DENND4A: variants seen among roughly 807,000 people sequenced by gnomAD.
DENND4A encodes C-myc promoter-binding protein.
A neutral mutation model predicts 199.3 loss-of-function variants in DENND4A; 70 were observed. That is an observed-to-expected ratio of 0.35 (90% CI 0.29 to 0.43). DENND4A has a LOEUF of 0.43. Ranked by LOEUF, DENND4A falls within the 20% of genes least tolerant of loss-of-function variation. The probability of loss-of-function intolerance (pLI) is 1.00; values close to 1 mark genes in which losing one functional copy is unlikely to be tolerated. For missense variants in DENND4A, 1,723 were observed against 2,255.8 expected (o/e 0.76, Z 4.78); for synonymous variants, 686 against 766.9 (o/e 0.89, Z 1.74).
rs146295829 is a variant in DENND4A at position 65,701,909 on chromosome 15, A to G, written c.2431-19T>C. ...AGCATACCTGAAATACAAGTTCAAAATTGTACCGAAACACAGATGTCACCA... is the reference window on the plus strand; with the variant it reads ...AGCATACCTGAAATACAAGTTCAAAGTTGTACCGAAACACAGATGTCACCA... On this transcript the variant is annotated intron_variant, in intron 17 of 32. Transcript: ENST00000443035. 3.4e-5 allele frequency: 55 copies of G among 1,613,132 alleles called. No individual in the cohort carries two copies. The African/African-American group carries it at 6.8e-4, about 20-fold the overall frequency.
At chr15:65,706,258 C>A in intron 14 of DENND4A, 34 bp from the exon 15 acceptor site, 5 of 1,447,994 alleles carry the variant, frequency 3.5e-6, no homozygotes, top group Non-Finnish European at 4.6e-6. Flanking sequence ...ATTAAAAAAG[C>A]CACATTGGTT....
chr15:65,703,800 G>A (rs574819927), intron 15 of DENND4A, among the ~76,000 whole-genome samples: 1 of 152,202 alleles, frequency 6.6e-6, no homozygotes, highest in African/African-American at 2.4e-5. Flanking sequence ...CCAGTGAACA[G>A]CCACTGCACT....
intron 1 of DENND4A, among the ~76,000 whole-genome samples, chr15:65,781,909 T>C (rs1162118898): frequency 2.0e-5 from 3 of 152,200 alleles, no homozygotes; most frequent in Admixed American, 2.0e-4. Context: ...GGGGATGGCA[T>C]AGTGGAAGTA....
intron 4 of DENND4A, among the ~76,000 whole-genome samples, chr15:65,750,172 G>T (rs1036870684): frequency 2.0e-5 from 3 of 152,176 alleles, no homozygotes; most frequent in African/African-American, 7.2e-5. Context: ...ATGAAATCAT[G>T]TCTTGTGCAG....
intron 3 of DENND4A, among the ~76,000 whole-genome samples, chr15:65,754,113 C>A (rs927184053): frequency 5.3e-5 from 8 of 151,862 alleles, no homozygotes; most frequent in Non-Finnish European, 1.2e-4. Context: ...GGATTACAGG[C>A]ATGAGCCACT....
At chr15:65,763,536 T>C (rs1383327618) in intron 1 of DENND4A, among the ~76,000 whole-genome samples, 1 of 151,654 alleles carries the variant, frequency 6.6e-6, no homozygotes, top group Admixed American at 6.6e-5. Flanking sequence ...TAGCCAGGTG[T>C]TGGTGGTGCA....
At chr15:65,707,055 A>C (rs143138743) in intron 14 of DENND4A, among the ~76,000 whole-genome samples, 1 of 152,260 alleles carries the variant, frequency 6.6e-6, no homozygotes, top group African/African-American at 2.4e-5. Flanking sequence ...TATATTTTTA[A>C]AATTTATACT....
chr15:65,747,160 A>C (rs2076425710), intron 4 of DENND4A, among the ~76,000 whole-genome samples: 1 of 152,032 alleles, frequency 6.6e-6, no homozygotes, highest in Non-Finnish European at 1.5e-5. Flanking sequence ...ATAGTCTCAA[A>C]TTTGCCAAAA....
intron 32 of DENND4A, among the ~76,000 whole-genome samples, chr15:65,662,861 G>A (rs1831000470): frequency 6.6e-6 from 1 of 152,164 alleles, no homozygotes; most frequent in Admixed American, 6.5e-5. Context: ...ATGAGCAAGT[G>A]AGCTTCTCTA....
In DENND4A at chr15:65,746,369, C is replaced by CTTTTTTTTTT. The variant is rs573935476; in HGVS notation, c.562-4595_562-4586dup. ...CTTGTTAACAATTCTACTTTTTTCT[C>CTTTTTTTTTT]TTTTTTTTTTTTTTTTTTTTTTTTT... is the stretch of plus-strand genomic sequence containing the variant. On this transcript the variant is annotated intron_variant, in intron 4 of 32. Coordinates refer to ENST00000443035, the MANE Select transcript of DENND4A (RefSeq NM_001320835.1). 7.1e-3 allele frequency among the ~76,000 whole-genome samples: 366 copies of CTTTTTTTTTT among 51,360 alleles called. 41 individuals are homozygous for CTTTTTTTTTT. The highest frequency in any genetic ancestry group is 0.01 in the Non-Finnish European group (287 of 27,624). The allele number at this position is 51,360 out of a possible 152,430, so 33.7% of individuals were successfully genotyped here.
rs558501992 is a variant in DENND4A, at chr15:65,748,961, C to A, written c.561+3418G>T. 3.2e-4 allele frequency among the ~76,000 whole-genome samples: 48 copies of A among 151,016 alleles called. No individual in the cohort carries two copies. In the South Asian group the frequency reaches 9.8e-3, roughly 31 times the overall value. On this transcript the variant is annotated intron_variant, in intron 4 of 32. Transcript: ENST00000443035. The stretch of plus-strand genomic sequence containing the variant: ...TGAGCCATGAGCAGTCCACTATACT[C>A]CAGCCTGGGCAACAGAACAAGACCC...
intron 14 of DENND4A, among the ~76,000 whole-genome samples, chr15:65,714,516 C>T (rs1401603601): frequency 6.6e-6 from 1 of 152,152 alleles, no homozygotes; most frequent in African/African-American, 2.4e-5. Context: ...ACCACCACCC[C>T]TCTCCCACAC....
At chr15:65,786,478 C>T (rs886766331) in intron 1 of DENND4A, among the ~76,000 whole-genome samples, 2 of 151,828 alleles carry the variant, frequency 1.3e-5, no homozygotes, top group Non-Finnish European at 2.9e-5. Context: ...GCCTATAATC[C>T]CAGCACTTTG....
chr15:65,781,601 C>T (rs1048822773), intron 1 of DENND4A, among the ~76,000 whole-genome samples: 1 of 152,126 alleles, frequency 6.6e-6, no homozygotes, highest in Non-Finnish European at 1.5e-5. Context: ...AAAGTTTCTT[C>T]CTTGGTTGAT....
intron 24 of DENND4A, among the ~76,000 whole-genome samples, chr15:65,675,151 TG>T (rs2076335990): frequency 6.6e-6 from 1 of 152,202 alleles, no homozygotes; most frequent in Non-Finnish European, 1.5e-5. Context: ...AATCCATATT[TG>T]TATGGCCCTG....
intron 11 of DENND4A, among the ~76,000 whole-genome samples, chr15:65,724,084 G>A (rs928512383): frequency 1.3e-5 from 2 of 151,808 alleles, no homozygotes; most frequent in Non-Finnish European, 2.9e-5. Context: ...GAGAGACAAC[G>A]TCTCACTCTG....
intron 18 of DENND4A, among the ~76,000 whole-genome samples, chr15:65,701,423 C>T (rs1174783622): frequency 1.3e-5 from 2 of 152,000 alleles, no homozygotes; most frequent in Non-Finnish European, 2.9e-5. Flanking sequence ...GAAAATTAGC[C>T]AGGCATGGTG....
At chr15:65,779,124 GA>G (rs963456902) in intron 1 of DENND4A, among the ~76,000 whole-genome samples, 1 of 151,090 alleles carries the variant, frequency 6.6e-6, no homozygotes, top group Non-Finnish European at 1.5e-5. Flanking sequence ...AAATTAGAAG[GA>G]AAAAAAACCT....
chr15:65,718,093 T>C, intron 12 of DENND4A, 97 bp from the exon 13 acceptor site: 1 of 855,340 alleles, frequency 1.2e-6, no homozygotes, highest in African/African-American at 1.7e-5. Flanking sequence ...GGACCCAAGC[T>C]ACCTCAACTC....
Sources: allele counts gnomAD v4.1 joint callset (sites outside exome capture counted in the v4.1 genomes callset), GRCh38; gene constraint gnomAD v4.1.1; transcripts MANE v1.5; gene names NCBI Gene and HGNC (gene_info 2026-07-23, HGNC 2026-07-21).